The following NCKAP5 variants were observed in gnomAD, a reference collection of about 807,000 sequenced individuals.
NCKAP5 encodes nck-associated protein 5.
A neutral mutation model predicts 167.0 loss-of-function variants in NCKAP5; 92 were observed. The observed-to-expected ratio is 0.55, with a 90% confidence interval of 0.47 to 0.66. NCKAP5 has a LOEUF of 0.66. Among genes scored for constraint, NCKAP5 ranks in the 30% least tolerant of loss-of-function variants. The pLI is 0.00. For missense variants in NCKAP5, 2,378 were observed against 2,315.0 expected (o/e 1.03, Z -0.56); for synonymous variants, 891 against 877.4 (o/e 1.02, Z -0.27).
At chr2:133,179,231 G>C (rs573325498) in intron 5 of NCKAP5, among the ~76,000 whole-genome samples, 63 of 149,290 alleles carry the variant, frequency 4.2e-4, no homozygotes, top group African/African-American at 1.5e-3. Flanking sequence ...TTTCAGATTT[G>C]GTTTTTTTTT....
intron 16 of NCKAP5, among the ~76,000 whole-genome samples, chr2:132,755,701 C>T (rs1041572428): frequency 9.9e-5 from 15 of 151,314 alleles, no homozygotes; most frequent in Non-Finnish European, 1.5e-4. Context: ...TGGTGGCGCG[C>T]GCCTGTAATC....
At chr2:133,283,672 A>G (rs2090007161) in intron 4 of NCKAP5, among the ~76,000 whole-genome samples, 1 of 150,630 alleles carries the variant, frequency 6.6e-6, no homozygotes, top group Admixed American at 6.6e-5. Context: ...GTGCAATGGC[A>G]GGATCTCGGC....
chr2:133,292,902 T>C (rs752048167), intron 4 of NCKAP5, among the ~76,000 whole-genome samples: 3 of 152,224 alleles, frequency 2.0e-5, no homozygotes, highest in Non-Finnish European at 4.4e-5. Flanking sequence ...ATAAAGATCC[T>C]AGTCCTGAAT....
intron 16 of NCKAP5, among the ~76,000 whole-genome samples, chr2:132,754,907 C>T (rs1680408339): frequency 6.6e-6 from 1 of 152,188 alleles, no homozygotes; most frequent in African/African-American, 2.4e-5. Flanking sequence ...AAGAAGAATT[C>T]TAGTTCAGAA....
At chr2:133,398,326 A>T (rs1687885153) in intron 3 of NCKAP5, among the ~76,000 whole-genome samples, 2 of 152,322 alleles carry the variant, frequency 1.3e-5, no homozygotes, top group South Asian at 4.1e-4. Flanking sequence ...GCAGGGCTTA[A>T]AACCTAGATG....
At chr2:132,960,149 T>G (rs1385287803) in intron 8 of NCKAP5, among the ~76,000 whole-genome samples, 1 of 152,316 alleles carries the variant, frequency 6.6e-6, no homozygotes, top group African/African-American at 2.4e-5. Context: ...AGAGAGAGTG[T>G]GTATAATTAT....
intron 11 of NCKAP5, among the ~76,000 whole-genome samples, chr2:132,811,573 C>T: frequency 6.6e-6 from 1 of 152,096 alleles, no homozygotes; most frequent in East Asian, 1.9e-4. Context: ...CCATGCAAAC[C>T]TAAGGGCCGG....
chr2:133,526,308 G>C (rs1342307782), intron 2 of NCKAP5, among the ~76,000 whole-genome samples: 1 of 92,618 alleles, frequency 1.1e-5, no homozygotes, highest in Non-Finnish European at 2.2e-5. Flanking sequence ...AGGGAGGGAG[G>C]GAAGGAGGGA....
intron 6 of NCKAP5, among the ~76,000 whole-genome samples, chr2:133,005,780 G>T (rs2077945643): frequency 6.6e-6 from 1 of 152,124 alleles, no homozygotes; most frequent in Non-Finnish European, 1.5e-5. Flanking sequence ...TGGCCACTGT[G>T]TTTAGGAATA....
At chr2:132,747,795 A>AT (rs1420901673) in intron 16 of NCKAP5, among the ~76,000 whole-genome samples, 2 of 152,210 alleles carry the variant, frequency 1.3e-5, no homozygotes, top group Non-Finnish European at 2.9e-5. Context: ...TAATGGACAC[A>AT]TTTTTCCTAT....
At chr2:132,740,042 G>A (rs759177010) in intron 16 of NCKAP5, among the ~76,000 whole-genome samples, 3 of 152,000 alleles carry the variant, frequency 2.0e-5, no homozygotes, top group Non-Finnish European at 4.4e-5. Flanking sequence ...TCTGTGCAAC[G>A]ATCTACCCAC....
chr2:133,112,220 A>C (rs1484004608), intron 6 of NCKAP5, among the ~76,000 whole-genome samples: 1 of 152,202 alleles, frequency 6.6e-6, no homozygotes, highest in African/African-American at 2.4e-5. Flanking sequence ...CACACCTGTA[A>C]TCCCAGCACT....
chr2:133,637,646 T>C, the NCKAP5 span, among the ~76,000 whole-genome samples: 1 of 143,326 alleles, frequency 7.0e-6, no homozygotes, highest in Non-Finnish European at 1.6e-5. Context: ...GGACAGACTA[T>C]GAAAGAGAGA....
chr2:133,633,665 A>G, the NCKAP5 span, among the ~76,000 whole-genome samples: 52 of 152,348 alleles, frequency 3.4e-4, no homozygotes, highest in East Asian at 9.1e-3. Context: ...ACGCTTAGAG[A>G]TGGACAGTAT....
At chr2:133,194,836 G>T (rs78771041) in intron 5 of NCKAP5, among the ~76,000 whole-genome samples, 3 of 150,520 alleles carry the variant, frequency 2.0e-5, no homozygotes, top group African/African-American at 7.3e-5. Flanking sequence ...AAAAGAGCTC[G>T]TGGAAGTATA....
chr2:132,803,801 G>C (rs1490664666), intron 11 of NCKAP5, among the ~76,000 whole-genome samples: 1 of 152,184 alleles, frequency 6.6e-6, no homozygotes, highest in Admixed American at 6.5e-5. Flanking sequence ...TCATGACTAT[G>C]AGCTATGAGA....
the NCKAP5 span, among the ~76,000 whole-genome samples, chr2:133,614,799 T>C: frequency 1.3e-5 from 2 of 151,056 alleles, no homozygotes; most frequent in Non-Finnish European, 3.0e-5. Flanking sequence ...ATACAGAGAA[T>C]GCCACAAAGA....
At chr2:133,543,162 A>G (rs1686368128) in intron 2 of NCKAP5, among the ~76,000 whole-genome samples, 1 of 152,144 alleles carries the variant, frequency 6.6e-6, no homozygotes, top group Admixed American at 6.5e-5. Context: ...TTCTGATTCT[A>G]TGAGTTAACA....
chr2:133,568,895 T>G (rs1688742843), upstream of NCKAP5, among the ~76,000 whole-genome samples: 1 of 152,156 alleles, frequency 6.6e-6, no homozygotes, highest in African/African-American at 2.4e-5. Flanking sequence ...CTGGCCGACA[T>G]TTTTCCTAGA....
Sources: allele counts gnomAD v4.1 joint callset (sites outside exome capture counted in the v4.1 genomes callset), GRCh38; gene constraint gnomAD v4.1.1; transcripts MANE v1.5; gene names NCBI Gene and HGNC (gene_info 2026-07-23, HGNC 2026-07-21).